PDE1C: variants seen among roughly 807,000 people sequenced by gnomAD.
PDE1C encodes the protein dual specificity calcium/calmodulin-dependent 3',5'-cyclic nucleotide phosphodiesterase 1C.
A neutral mutation model predicts 93.1 loss-of-function variants in PDE1C; 62 were observed. The observed-to-expected ratio is 0.67, with a 90% CI of 0.54 to 0.82. The LOEUF (loss-of-function observed/expected upper bound fraction) is 0.82. PDE1C is among the 40% of genes least tolerant of loss of function. PDE1C has a pLI of 0.00. For missense variants in PDE1C, 742 were observed against 884.6 expected (o/e 0.84, Z 2.04); for synonymous variants, 325 against 310.1 (o/e 1.05, Z -0.50).
rs953965561 is a variant in PDE1C, at chr7:32,090,027, T to G, written c.308+79758A>C. Among the ~76,000 whole-genome samples, 6 of 152,198 alleles carry G rather than the reference T, an allele frequency of 3.9e-5. No individual in the cohort carries two copies. In the East Asian group the frequency reaches 9.6e-4, roughly 24 times the overall value. The stretch of plus-strand genomic sequence containing the variant: ...CTATTCCTTTTATCTAGTTTTTATT[T>G]CTTGCATCTAGCAACAGATGCAAGA... On this transcript the variant is annotated intron_variant, in intron 3 of 18. Coordinates refer to the PDE1C transcript ENST00000396193.
At chr7:31,888,771 AG>A (rs1419050677) in intron 2 of PDE1C, among the ~76,000 whole-genome samples, 3 of 152,258 alleles carry the variant, frequency 2.0e-5, no homozygotes, top group African/African-American at 7.2e-5. Flanking sequence ...AGTTCAACAA[AG>A]AAAGAAGAAA....
chr7:32,125,191 T>C (rs544770383), intron 3 of PDE1C, among the ~76,000 whole-genome samples: 119 of 152,282 alleles, frequency 7.8e-4, no homozygotes, highest in African/African-American at 2.7e-3. Flanking sequence ...CCAGTCAGAA[T>C]GGCAATTATT....
intron 2 of PDE1C, among the ~76,000 whole-genome samples, chr7:31,893,269 A>G (rs568640251): frequency 1.3e-5 from 2 of 152,292 alleles, no homozygotes; most frequent in African/African-American, 4.8e-5. Flanking sequence ...TTTGTATTCA[A>G]TGTAATTACC....
chr7:32,245,968 C>CTTTTTTT (rs369247468), intron 1 of PDE1C, among the ~76,000 whole-genome samples: 2 of 94,850 alleles, frequency 2.1e-5, no homozygotes, highest in African/African-American at 3.7e-5. Flanking sequence ...TTTTTCTTTT[C>CTTTTTTT]TTTTTTTTTT....
intron 1 of PDE1C, among the ~76,000 whole-genome samples, chr7:32,376,289 G>A (rs1160212151): frequency 6.6e-6 from 1 of 152,248 alleles, no homozygotes; most frequent in African/African-American, 2.4e-5. Context: ...TTTATCTGCA[G>A]TCCAGCTTTG....
At chr7:31,793,317 C>T (rs950679075) in intron 16 of PDE1C, among the ~76,000 whole-genome samples, 1 of 151,904 alleles carries the variant, frequency 6.6e-6, no homozygotes, top group Non-Finnish European at 1.5e-5. Context: ...ATGAGGCAGC[C>T]CTCATAAGAA....
At chr7:31,811,413 AC>A (rs2128714432) in intron 15 of PDE1C, among the ~76,000 whole-genome samples, 1 of 152,098 alleles carries the variant, frequency 6.6e-6, no homozygotes, top group South Asian at 2.1e-4. Flanking sequence ...AGGGGAGTCT[AC>A]TCTGGCCAGG....
intron 17 of PDE1C, among the ~76,000 whole-genome samples, chr7:31,771,574 T>C (rs1273009833): frequency 1.3e-5 from 2 of 152,194 alleles, no homozygotes; most frequent in African/African-American, 4.8e-5. Context: ...ACTTTTGTTG[T>C]TGTTGCTGCT....
chr7:31,831,745 A>T (rs1194663592), intron 11 of PDE1C, among the ~76,000 whole-genome samples: 6 of 152,062 alleles, frequency 3.9e-5, no homozygotes. Flanking sequence ...AGGAGGACAA[A>T]GAGATGATGG....
the PDE1C span, among the ~76,000 whole-genome samples, chr7:31,664,291 GCA>G: frequency 1.3e-5 from 2 of 150,368 alleles, no homozygotes; most frequent in Non-Finnish European, 2.9e-5. Flanking sequence ...ATGTACTTAC[GCA>G]CAGAGCCAGT....
At chr7:31,953,877 G>A (rs766009416) in intron 2 of PDE1C, among the ~76,000 whole-genome samples, 3 of 152,214 alleles carry the variant, frequency 2.0e-5, no homozygotes, top group Non-Finnish European at 2.9e-5. Context: ...TAGAGCTGGA[G>A]AAATAGAGTA....
chr7:31,753,902 T>G (rs1161090840), intron 17 of PDE1C, among the ~76,000 whole-genome samples: 2 of 152,204 alleles, frequency 1.3e-5, no homozygotes, highest in African/African-American at 4.8e-5. Flanking sequence ...GGTATATCAT[T>G]AACAGCATTT....
rs944076196 is a variant in PDE1C, at chr7:32,242,893, G to A, written c.86-33354C>T. 9.2e-5 allele frequency among the ~76,000 whole-genome samples: 14 copies of A among 152,314 alleles called. No individual in the cohort carries two copies. In the East Asian group the frequency reaches 1.7e-3, roughly 19 times the overall value. ...GACACAAGGGATTTTGTCTATGAGA[G>A]AATGAGAGCTGTACAAGGCCCTGTG... On this transcript the variant is annotated intron_variant, in intron 1 of 18. Transcript: ENST00000396193.
intron 2 of PDE1C, among the ~76,000 whole-genome samples, chr7:32,040,274 T>A (rs1791638987): frequency 6.6e-6 from 1 of 152,226 alleles, no homozygotes. Context: ...GGTAAGTATG[T>A]TATTCTCTTT....
chr7:31,960,563 A>T (rs140638625), intron 2 of PDE1C, among the ~76,000 whole-genome samples: 1 of 152,332 alleles, frequency 6.6e-6, no homozygotes, highest in East Asian at 1.9e-4. Flanking sequence ...TACAGTGATT[A>T]TGTTAAGAAA....
intron 17 of PDE1C, among the ~76,000 whole-genome samples, chr7:31,763,578 T>A (rs1346634640): frequency 2.0e-5 from 3 of 152,204 alleles, no homozygotes; most frequent in Non-Finnish European, 2.9e-5. Context: ...TTTTTTAAAA[T>A]GAGAATAGTA....
intron 2 of PDE1C, among the ~76,000 whole-genome samples, chr7:32,186,087 GTTTTTTTTT>G (rs10561469): frequency 0.23 from 30,189 of 129,002 alleles, 3,919 homozygotes; most frequent in Admixed American, 0.38. Context: ...TTGTTTTTTT[GTTTTTTTTT>G]TTTTTTTTTT....
intron 2 of PDE1C, among the ~76,000 whole-genome samples, chr7:32,039,406 T>C (rs1235209086): frequency 6.6e-6 from 1 of 152,236 alleles, no homozygotes; most frequent in African/African-American, 2.4e-5. Flanking sequence ...ATGCTTTAAT[T>C]GCAGTGCTAA....
chr7:31,665,709 C>A, the PDE1C span, among the ~76,000 whole-genome samples: 1 of 152,178 alleles, frequency 6.6e-6, no homozygotes, highest in South Asian at 2.1e-4. Context: ...AGTCATACTT[C>A]TTCTACCCTT....
Sources: gnomAD v4.1 joint callset for allele counts (sites outside exome capture counted in the v4.1 genomes callset) on GRCh38, gnomAD v4.1.1 for gene constraint, MANE v1.5 for transcripts, NCBI Gene and HGNC (gene_info 2026-07-23, HGNC 2026-07-21) for gene names.